MTA3: variants seen among roughly 807,000 people sequenced by gnomAD.
MTA3 encodes metastasis-associated protein MTA3.
A neutral mutation model predicts 83.5 loss-of-function variants in MTA3; 34 were observed. The observed-to-expected ratio is 0.41, with a 90% CI of 0.31 to 0.54. The LOEUF (loss-of-function observed/expected upper bound fraction) is 0.54, where lower values mean the gene tolerates loss of function less well. MTA3 is among the 20% of genes least tolerant of loss of function. MTA3 has a pLI of 0.33. For synonymous variants in MTA3, 303 were observed against 252.7 expected, an observed-to-expected ratio of 1.20 and a Z score of -1.89; for missense variants, 761 against 726.4, an observed-to-expected ratio of 1.05 and a Z score of -0.55.
rs1667594340 is a variant in MTA3 at position 42,723,643 on chromosome 2, C to A, written c.1759+608C>A. Among the ~76,000 whole-genome samples the A allele has an allele frequency of 2.0e-5, 3 of 152,196 alleles. No homozygotes were observed. The South Asian group carries it at 6.2e-4, about 31-fold the overall frequency. On this transcript the variant is annotated intron_variant, in intron 16 of 16. Coordinates refer to ENST00000405094, the MANE Select transcript of MTA3 (RefSeq NM_001330442.2). ...GACTCTCCAGGTGGAACTGAATTAT[C>A]TTCTCATTTGGACTATAAACACAAC...
At chr2:42,737,120 A>G (rs1033330963) in intron 16 of MTA3, among the ~76,000 whole-genome samples, 4 of 151,938 alleles carry the variant, frequency 2.6e-5, no homozygotes, top group African/African-American at 9.7e-5. Flanking sequence ...GCATTCCCTT[A>G]GCAGCCCTGG....
At chr2:42,511,291 G>A (rs777795995) in intron 2 of MTA3, among the ~76,000 whole-genome samples, 1 of 148,148 alleles carries the variant, frequency 6.8e-6, no homozygotes, top group Non-Finnish European at 1.5e-5. Context: ...TTTTTCTCTG[G>A]TTCTTAACTG....
Position 42,756,643 on chromosome 2 carries a change from C to G in MTA3, c.*3244C>G. ...CGGCTTTGGGGAGGGAGGGGGAAGC[C>G]TTTATTCTTTACTGTTGTCCCTGTT... On this transcript the variant is annotated 3_prime_UTR_variant, in exon 17 of 17. Coordinates refer to ENST00000405094, the MANE Select transcript of MTA3 (RefSeq NM_001330442.2). The G allele has an allele frequency of 2.0e-6, 2 of 985,454 alleles. No individual in the cohort carries two copies. Among genetic ancestry groups the G allele is most frequent in the Non-Finnish European group, 2.4e-6 (2 of 829,968 alleles). The allele number at this position is 985,454 out of a possible 1,614,324, so 61.0% of individuals were successfully genotyped here.
chr2:42,502,180 G>C (rs551180737), intron 2 of MTA3, among the ~76,000 whole-genome samples: 3 of 152,060 alleles, frequency 2.0e-5, no homozygotes, highest in African/African-American at 7.2e-5. Flanking sequence ...GTCATAAATG[G>C]ATTCAAAGAT....
rs1297473295 is a variant in MTA3, at chr2:42,682,541, G to A, written c.843G>A (p.Glu281=). 2 of 1,612,658 alleles carry A rather than the reference G, an allele frequency of 1.2e-6. No homozygotes were observed. The highest frequency in any genetic ancestry group is 3.3e-5 in the Admixed American group (2 of 59,818). The part of the protein sequence containing the change: ...WSASEASLFE[E]ALEKYGKDFN... ...CCTCTGAAGCTAGCTTATTTGAAGA[G>A]GCACTGGAAAAATATGGCAAAGACT... The change falls in exon 9 of 17, where the codon GAG becomes GAA. Residue 281 remains glutamate (E), a synonymous_variant. Transcript: ENST00000405094.
At chr2:42,598,262 T>C (rs1253416979) in intron 3 of MTA3, among the ~76,000 whole-genome samples, 3 of 151,856 alleles carry the variant, frequency 2.0e-5, no homozygotes, top group Non-Finnish European at 4.4e-5. Context: ...AGATGGGGTT[T>C]CACTGTGTTA....
Position 42,640,221 on chromosome 2 carries a change from A to G in MTA3, c.366A>G (p.Ser122=), listed in dbSNP as rs780186578. The change falls in exon 5 of 17, where the codon TCA becomes TCG. Residue 122 remains serine, a synonymous_variant. Coordinates refer to ENST00000405094, the MANE Select transcript of MTA3 (RefSeq NM_001330442.2). The part of the protein sequence containing the change: ...ALLNETESVL[S]YLDKEDTFFY... ...TGAATGAGACAGAATCAGTATTGTC[A>G]TATCTTGATAAGGAGGTAATTCACA... The G allele has an allele frequency of 3.1e-5, 50 of 1,606,834 alleles. No individual in the cohort carries two copies. The highest frequency in any genetic ancestry group is 4.0e-5 in the African/African-American group (3 of 74,826).
In MTA3 at chr2:42,727,013, G is replaced by C. The variant is rs569768264; in HGVS notation, c.1759+3978G>C. Among the ~76,000 whole-genome samples, 335 of 152,306 alleles carry C rather than the reference G, an allele frequency of 2.2e-3. 1 individual carries two copies. The highest frequency in any genetic ancestry group is 4.1e-3 in the Non-Finnish European group (277 of 68,020). ...TTGAGACCAGCCTAGGCAACACAGT[G>C]AGACCCCAACTCTAAAAAAGTTTTT... On this transcript the variant is annotated intron_variant, in intron 16 of 16. Transcript: ENST00000405094.
chr2:42,636,626 C>CTTT (rs869057645), intron 4 of MTA3, among the ~76,000 whole-genome samples: 7 of 130,084 alleles, frequency 5.4e-5, no homozygotes, highest in Admixed American at 7.8e-5. Flanking sequence ...CTCTTTCTTT[C>CTTT]TTTTTTTTTT....
intron 16 of MTA3, among the ~76,000 whole-genome samples, chr2:42,732,385 G>T (rs1326525246): frequency 6.6e-6 from 1 of 152,336 alleles, no homozygotes; most frequent in East Asian, 1.9e-4. Flanking sequence ...CACGGCCTAA[G>T]CTCTACATTT....
chr2:42,496,462 G>A (rs1444862045), intron 2 of MTA3, among the ~76,000 whole-genome samples: 2 of 152,152 alleles, frequency 1.3e-5, no homozygotes, highest in Non-Finnish European at 2.9e-5. Flanking sequence ...AGAAGATAAT[G>A]TTGAGAAGTA....
intron 2 of MTA3, chr2:42,533,060 C>T: frequency 5.5e-6 from 1 of 180,392 alleles, no homozygotes; most frequent in Non-Finnish European, 1.2e-5. Context: ...CCACTTTTGC[C>T]ATGGTAACAC....
At chr2:42,568,430 C>G (rs1678037959), upstream of MTA3, 1 of 143,402 alleles carries the variant, frequency 7.0e-6, no homozygotes, top group East Asian at 2.1e-4. Flanking sequence ...CCCTCCCTCC[C>G]ACTCCCACTC....
intron 9 of MTA3, among the ~76,000 whole-genome samples, chr2:42,689,124 G>T (rs1351432634): frequency 6.6e-6 from 1 of 152,116 alleles, no homozygotes; most frequent in African/African-American, 2.4e-5. Flanking sequence ...TTTTGATATG[G>T]TGAATAACAT....
intron 2 of MTA3, among the ~76,000 whole-genome samples, chr2:42,557,852 C>T (rs1190196623): frequency 6.6e-6 from 1 of 152,148 alleles, no homozygotes; most frequent in Non-Finnish European, 1.5e-5. Context: ...GTCTCTATTC[C>T]TCAGTCTGGC....
intron 2 of MTA3, among the ~76,000 whole-genome samples, chr2:42,545,413 T>C (rs1392590010): frequency 6.6e-6 from 1 of 151,718 alleles, no homozygotes; most frequent in Non-Finnish European, 1.5e-5. Flanking sequence ...AAAAGGAACC[T>C]AAGAAAACAC....
chr2:42,692,541 C>T (rs1437012768), intron 9 of MTA3, among the ~76,000 whole-genome samples: 1 of 151,938 alleles, frequency 6.6e-6, no homozygotes, highest in Non-Finnish European at 1.5e-5. Flanking sequence ...TCTCGTGCCT[C>T]AGCCTCCCAA....
At chr2:42,571,059 A>T (rs1157123299) in intron 2 of MTA3, among the ~76,000 whole-genome samples, 1 of 152,008 alleles carries the variant, frequency 6.6e-6, no homozygotes, top group Non-Finnish European at 1.5e-5. Context: ...GTAAAGGGGC[A>T]TAAGAGATGA....
intron 2 of MTA3, among the ~76,000 whole-genome samples, chr2:42,573,038 A>T (rs1188650565): frequency 1.3e-5 from 2 of 151,978 alleles, no homozygotes; most frequent in East Asian, 3.9e-4. Context: ...AGGATTTATA[A>T]TGGAGGTACC....
Sources: allele counts gnomAD v4.1 joint callset (sites outside exome capture counted in the v4.1 genomes callset), GRCh38; gene constraint gnomAD v4.1.1; transcripts MANE v1.5; gene names NCBI Gene and HGNC (gene_info 2026-07-23, HGNC 2026-07-21).